The following IMMP1L variants were observed in gnomAD, a reference collection of about 807,000 sequenced individuals.
The protein encoded by IMMP1L is mitochondrial inner membrane protease subunit 1.
A neutral mutation model predicts 21.8 loss-of-function variants in IMMP1L; 24 were observed. That is an observed-to-expected ratio of 1.10 (90% CI 0.80 to 1.55). The LOEUF (loss-of-function observed/expected upper bound fraction) is 1.55. IMMP1L is among the 40% of genes most tolerant of loss of function. IMMP1L has a pLI of 0.00. For synonymous variants in IMMP1L, 46 were observed against 62.8 expected, an observed-to-expected ratio of 0.73 and a Z score of 1.26; for missense variants, 195 against 200.7, an observed-to-expected ratio of 0.97 and a Z score of 0.17.
chr11:31,454,317 T>G (rs2133620445), intron 4 of IMMP1L, among the ~76,000 whole-genome samples: 1 of 152,044 alleles, frequency 6.6e-6, no homozygotes, highest in African/African-American at 2.4e-5. Flanking sequence ...TTGTGTTGTG[T>G]ATTTCAAAAC....
intron 1 of IMMP1L, among the ~76,000 whole-genome samples, chr11:31,471,938 C>G (rs1251421862): frequency 6.6e-6 from 1 of 152,116 alleles, no homozygotes. Context: ...GAATCCATTT[C>G]CTTGCCTTTC....
intron 4 of IMMP1L, 137 bp downstream of exon 4, chr11:31,456,123 T>A: frequency 1.9e-6 from 1 of 534,476 alleles, no homozygotes; most frequent in Non-Finnish European, 3.2e-6. Flanking sequence ...TTGTTCTTGA[T>A]ATAAACATTT....
chr11:31,456,050 A>C (rs1953925722), intron 4 of IMMP1L, among the ~76,000 whole-genome samples: 1 of 152,242 alleles, frequency 6.6e-6, no homozygotes, highest in African/African-American at 2.4e-5. Flanking sequence ...TGTAACAATT[A>C]TTACTAAGAT....
intron 4 of IMMP1L, among the ~76,000 whole-genome samples, chr11:31,434,593 A>C (rs1002591372): frequency 6.6e-6 from 1 of 152,086 alleles, no homozygotes; most frequent in Non-Finnish European, 1.5e-5. Context: ...ATAAGAGATA[A>C]TGCAACTTTT....
At chr11:31,453,081 G>T in intron 4 of IMMP1L, 1 of 1,289,402 alleles carries the variant, frequency 7.8e-7, no homozygotes, top group Non-Finnish European at 1.0e-6. Flanking sequence ...GAACTGCTTA[G>T]TTTCCAAATA....
At chr11:31,444,545 A>G (rs1302547651) in intron 4 of IMMP1L, among the ~76,000 whole-genome samples, 3 of 152,094 alleles carry the variant, frequency 2.0e-5, no homozygotes, top group African/African-American at 7.2e-5. Flanking sequence ...AGTTTTTAAG[A>G]TAAAATCATC....
intron 2 of IMMP1L, among the ~76,000 whole-genome samples, chr11:31,461,536 G>C (rs906813759): frequency 6.6e-6 from 1 of 152,140 alleles, no homozygotes; most frequent in African/African-American, 2.4e-5. Flanking sequence ...GAAATGTTCT[G>C]AGTGTCTACA....
chr11:31,468,083 T>A (rs1302568459), intron 1 of IMMP1L, among the ~76,000 whole-genome samples: 1 of 152,086 alleles, frequency 6.6e-6, no homozygotes, highest in Non-Finnish European at 1.5e-5. Flanking sequence ...TATTTTCAAT[T>A]ACAAGAAAAT....
At chr11:31,441,231 T>C (rs1462103116) in intron 4 of IMMP1L, among the ~76,000 whole-genome samples, 1 of 151,950 alleles carries the variant, frequency 6.6e-6, no homozygotes, top group African/African-American at 2.4e-5. Context: ...ACCCTTTTGG[T>C]GATGTTCATA....
In IMMP1L at chr11:31,449,097, A is replaced by G. The variant is rs1394413652; in HGVS notation, c.321+7163T>C. 7.1e-6 allele frequency: 7 copies of G among 985,214 alleles called. No individual in the cohort carries two copies. The East Asian group carries it at 7.9e-4, about 112-fold the overall frequency. 61.0% of individuals were successfully genotyped at this position (985,214 alleles called of 1,614,324 possible). ...CAGGTTTTTATCACTATAGTCTGCA[A>G]AAAACAAGTCGCTTGTTTAGATACT... On this transcript the variant is annotated intron_variant, in intron 4 of 5. Transcript: ENST00000532287.
At chr11:31,448,060 G>T (rs1322387271) in intron 4 of IMMP1L, among the ~76,000 whole-genome samples, 3 of 152,120 alleles carry the variant, frequency 2.0e-5, no homozygotes, top group African/African-American at 7.2e-5. Context: ...TGTAATCCCA[G>T]CACTTTGGGA....
intron 4 of IMMP1L, among the ~76,000 whole-genome samples, chr11:31,444,612 C>T (rs1361986320): frequency 7.2e-5 from 10 of 139,816 alleles, no homozygotes; most frequent in African/African-American, 2.4e-4. Flanking sequence ...TTTTCTGAGA[C>T]AGAGTCTTGC....
chr11:31,492,576 A>G (rs1339898246), intron 1 of IMMP1L, among the ~76,000 whole-genome samples: 1 of 152,202 alleles, frequency 6.6e-6, no homozygotes, highest in African/African-American at 2.4e-5. Flanking sequence ...TTCCTTGGTA[A>G]GCTTAATCAT....
At chr11:31,464,465 T>G (rs903405498) in intron 1 of IMMP1L, among the ~76,000 whole-genome samples, 17 of 152,126 alleles carry the variant, frequency 1.1e-4, no homozygotes, top group South Asian at 6.2e-4. Context: ...ATTGCCCTAA[T>G]GCCCAAACCA....
intron 1 of IMMP1L, among the ~76,000 whole-genome samples, chr11:31,504,646 T>A (rs1456328502): frequency 2.0e-5 from 3 of 152,168 alleles, no homozygotes; most frequent in Admixed American, 6.5e-5. Flanking sequence ...ACTATCCAAA[T>A]CCCTTCTAAC....
intron 1 of IMMP1L, among the ~76,000 whole-genome samples, chr11:31,482,893 A>C (rs968791439): frequency 1.3e-5 from 2 of 152,064 alleles, no homozygotes; most frequent in African/African-American, 4.8e-5. Context: ...AATACATATT[A>C]GAATGTTCAT....
Position 31,509,571 on chromosome 11 carries a change from T to C in IMMP1L, c.-82A>G, listed in dbSNP as rs1273416327. The C allele has an allele frequency of 5.0e-6, 3 of 594,130 alleles. No homozygotes were observed. In the East Asian group the frequency reaches 8.5e-5, roughly 17 times the overall value. The allele number at this position is 594,130 out of a possible 1,614,324, so 36.8% of individuals were successfully genotyped here. A position where few individuals can be genotyped will look rare whatever the true frequency, so the allele number is the denominator to read the frequency against. On this transcript the variant is annotated 5_prime_UTR_variant, in exon 1 of 6. Coordinates refer to ENST00000532287, the MANE Select transcript of IMMP1L (RefSeq NM_001304274.2). ...CTCAACCAGGACACAGGTGGGCCTT[T>C]CTCACCTGGGCCCCGCCGAAGTCGA...
intron 1 of IMMP1L, among the ~76,000 whole-genome samples, chr11:31,494,211 C>A (rs991721356): frequency 8.5e-5 from 13 of 152,268 alleles, no homozygotes; most frequent in Non-Finnish European, 1.6e-4. Context: ...GTCATCCAGG[C>A]ATTTCCATAT....
intron 4 of IMMP1L, among the ~76,000 whole-genome samples, chr11:31,455,626 T>C (rs1303888555): frequency 6.6e-6 from 1 of 152,184 alleles, no homozygotes; most frequent in Non-Finnish European, 1.5e-5. Context: ...TAAGCCAGGA[T>C]CCCAAATCCA....
Sources: allele counts gnomAD v4.1 joint callset (sites outside exome capture counted in the v4.1 genomes callset), GRCh38; gene constraint gnomAD v4.1.1; transcripts MANE v1.5; gene names NCBI Gene and HGNC (gene_info 2026-07-23, HGNC 2026-07-21).